The following LHFPL6 variants were observed in gnomAD, a reference collection of about 807,000 sequenced individuals.
LHFPL6 encodes the protein LHFPL tetraspan subfamily member 6, also known as LHFPL tetraspan subfamily member 6 protein.
Under a neutral mutation model 20.6 loss-of-function variants are expected in LHFPL6, and 9 were observed. The ratio of observed to expected loss-of-function variants is 0.44; its 90% CI spans 0.26 to 0.76. The LOEUF is 0.76. LHFPL6 is among the 30% of genes least tolerant of loss of function. LHFPL6 has a pLI of 0.20. For synonymous variants in LHFPL6, 105 were observed against 98.7 expected, an observed-to-expected ratio of 1.06 and a Z score of -0.38; for missense variants, 218 against 253.5, an observed-to-expected ratio of 0.86 and a Z score of 0.95.
chr13:39,397,775 G>T (rs1322291009), intron 2 of LHFPL6, among the ~76,000 whole-genome samples: 1 of 152,146 alleles, frequency 6.6e-6, no homozygotes, highest in African/African-American at 2.4e-5. Context: ...GCCACGGAAA[G>T]AAAATAATTT....
At chr13:39,372,205 C>T (rs866316458) in intron 3 of LHFPL6, among the ~76,000 whole-genome samples, 18 of 152,302 alleles carry the variant, frequency 1.2e-4, no homozygotes, top group Admixed American at 8.5e-4. Context: ...TGTAGCTGAC[C>T]TTAGCTCCTG....
chr13:39,355,622 C>A (rs1465622119), intron 3 of LHFPL6, among the ~76,000 whole-genome samples: 2 of 152,166 alleles, frequency 1.3e-5, no homozygotes, highest in Non-Finnish European at 2.9e-5. Flanking sequence ...ACCCAGCCAT[C>A]TGCTGTCTTC....
At chr13:39,472,673 A>C (rs1038146743) in intron 2 of LHFPL6, among the ~76,000 whole-genome samples, 5 of 151,982 alleles carry the variant, frequency 3.3e-5, no homozygotes, top group Non-Finnish European at 7.4e-5. Context: ...CAATGATGCA[A>C]TCTCGGCTCA....
intron 2 of LHFPL6, among the ~76,000 whole-genome samples, chr13:39,395,288 T>C (rs1392116621): frequency 6.6e-6 from 1 of 152,198 alleles, no homozygotes; most frequent in East Asian, 1.9e-4. Flanking sequence ...TATCTCCCTT[T>C]CATTGCTGTT....
intron 2 of LHFPL6, among the ~76,000 whole-genome samples, chr13:39,386,558 A>C (rs556095352): frequency 6.6e-6 from 1 of 152,302 alleles, no homozygotes; most frequent in South Asian, 2.1e-4. Context: ...CAATGCTTGG[A>C]CATAAGTCCA....
intron 2 of LHFPL6, among the ~76,000 whole-genome samples, chr13:39,398,883 G>A (rs575493539): frequency 1.1e-4 from 16 of 152,308 alleles, no homozygotes; most frequent in African/African-American, 3.8e-4. Flanking sequence ...GATCTGAGAT[G>A]GAACAATTTC....
chr13:39,386,738 G>A (rs1365783714), intron 2 of LHFPL6, among the ~76,000 whole-genome samples: 1 of 152,200 alleles, frequency 6.6e-6, no homozygotes, highest in African/African-American at 2.4e-5. Context: ...GTGGCTGGCT[G>A]GAGCCAGGTC....
At chr13:39,427,694 G>A (rs533622122) in intron 2 of LHFPL6, among the ~76,000 whole-genome samples, 1 of 152,160 alleles carries the variant, frequency 6.6e-6, no homozygotes, top group South Asian at 2.1e-4. Context: ...AAAGTGTAAC[G>A]AAATTTGGCA....
At chr13:39,430,280 A>G (rs993751788) in intron 2 of LHFPL6, among the ~76,000 whole-genome samples, 4 of 152,216 alleles carry the variant, frequency 2.6e-5, no homozygotes, top group African/African-American at 9.6e-5. Context: ...GACTCACTCA[A>G]GGTCACAAGC....
intron 2 of LHFPL6, among the ~76,000 whole-genome samples, chr13:39,569,160 T>TGGACGGAC (rs1871829241): frequency 9.9e-6 from 1 of 100,708 alleles, no homozygotes; most frequent in African/African-American, 4.4e-5. Context: ...GACGGACGGA[T>TGGACGGAC]GGATGGATGG....
chr13:39,467,138 T>G (rs1461755469), intron 2 of LHFPL6, among the ~76,000 whole-genome samples: 5 of 152,158 alleles, frequency 3.3e-5, no homozygotes. Context: ...TGTGTCCCCA[T>G]CTTACTGTTC....
chr13:39,355,927 C>T (rs538987175), intron 3 of LHFPL6, among the ~76,000 whole-genome samples: 3 of 152,110 alleles, frequency 2.0e-5, no homozygotes, highest in East Asian at 3.8e-4. Context: ...GACAGTCACA[C>T]AAAAATAGTG....
chr13:39,513,227 A>G (rs1869785933), intron 2 of LHFPL6, among the ~76,000 whole-genome samples: 1 of 152,218 alleles, frequency 6.6e-6, no homozygotes, highest in East Asian at 1.9e-4. Context: ...TTGTTCTTTT[A>G]AAACAGTTAA....
At chr13:39,381,234 A>G (rs114322261) in intron 2 of LHFPL6, among the ~76,000 whole-genome samples, 1,554 of 152,292 alleles carry the variant, frequency 0.01, 21 homozygotes, top group African/African-American at 0.035. Context: ...AGTAAAAACT[A>G]TGTGCCATGA....
intron 2 of LHFPL6, among the ~76,000 whole-genome samples, chr13:39,406,918 G>C (rs890507258): frequency 9.2e-5 from 14 of 152,180 alleles, no homozygotes; most frequent in Admixed American, 1.3e-4. Flanking sequence ...TAAGTTCTGA[G>C]ATTGCAAGAG....
chr13:39,577,956 C>T (rs746535014), intron 2 of LHFPL6, among the ~76,000 whole-genome samples: 1 of 152,002 alleles, frequency 6.6e-6, no homozygotes, highest in Non-Finnish European at 1.5e-5. Context: ...GCCCCAACAA[C>T]TCAATATTAA....
At chr13:39,373,346 G>T (rs964090162) in intron 3 of LHFPL6, among the ~76,000 whole-genome samples, 1 of 152,168 alleles carries the variant, frequency 6.6e-6, no homozygotes, top group Non-Finnish European at 1.5e-5. Context: ...GTCAGAGGGG[G>T]TGAGCCAGGA....
chr13:39,390,766 G>C (rs957307748), intron 2 of LHFPL6, among the ~76,000 whole-genome samples: 1 of 152,102 alleles, frequency 6.6e-6, no homozygotes, highest in East Asian at 1.9e-4. Context: ...AGGCCGAGAC[G>C]GGCGGATTGC....
intron 2 of LHFPL6, among the ~76,000 whole-genome samples, chr13:39,537,616 C>A (rs1293893133): frequency 6.6e-6 from 1 of 152,110 alleles, no homozygotes; most frequent in Non-Finnish European, 1.5e-5. Context: ...CTTCAGATTT[C>A]TTTCATGTCT....
Sources: allele counts gnomAD v4.1 joint callset (sites outside exome capture counted in the v4.1 genomes callset), GRCh38; gene constraint gnomAD v4.1.1; transcripts MANE v1.5; gene names NCBI Gene and HGNC (gene_info 2026-07-23, HGNC 2026-07-21).